The following KCND2 variants were observed in gnomAD, a reference collection of about 807,000 sequenced individuals.
KCND2 encodes A-type voltage-gated potassium channel KCND2.
A neutral mutation model predicts 54.4 loss-of-function variants in KCND2; 16 were observed. The observed-to-expected ratio is 0.29, with a 90% CI of 0.20 to 0.45. The LOEUF is 0.45. Among genes scored for constraint, KCND2 ranks in the 20% least tolerant of loss-of-function variants. KCND2 has a pLI of 1.00. For missense variants in KCND2, 486 were observed against 824.2 expected (o/e 0.59, Z 5.02); for synonymous variants, 317 against 310.7 (o/e 1.02, Z -0.21).
chr7:120,716,625 T>A (rs2116087808), intron 1 of KCND2, among the ~76,000 whole-genome samples: 1 of 152,258 alleles, frequency 6.6e-6, no homozygotes, highest in African/African-American at 2.4e-5. Flanking sequence ...TTTCTAGGCA[T>A]AACCAGCCCT....
intron 1 of KCND2, among the ~76,000 whole-genome samples, chr7:120,657,075 A>C (rs1791811857): frequency 6.6e-6 from 1 of 152,294 alleles, no homozygotes; most frequent in African/African-American, 2.4e-5. Flanking sequence ...GGTAAAAAAA[A>C]ACAATTCTGT....
At chr7:120,328,359 G>A (rs1229163794) in intron 1 of KCND2, among the ~76,000 whole-genome samples, 1 of 152,094 alleles carries the variant, frequency 6.6e-6, no homozygotes, top group South Asian at 2.1e-4. Context: ...AACAGTTGGG[G>A]TTAGCATAAA....
intron 1 of KCND2, among the ~76,000 whole-genome samples, chr7:120,322,550 G>A (rs868041563): frequency 2.0e-5 from 3 of 152,114 alleles, no homozygotes; most frequent in African/African-American, 7.2e-5. Flanking sequence ...GTAACTTATG[G>A]TTGTGATTCT....
intron 1 of KCND2, among the ~76,000 whole-genome samples, chr7:120,676,719 T>C: frequency 6.6e-6 from 1 of 152,222 alleles, no homozygotes; most frequent in East Asian, 1.9e-4. Context: ...ATACTGTACA[T>C]CTATTTGCCA....
chr7:120,504,804 T>A (rs950125673), intron 1 of KCND2, among the ~76,000 whole-genome samples: 1 of 151,774 alleles, frequency 6.6e-6, no homozygotes, highest in Non-Finnish European at 1.5e-5. Flanking sequence ...GATGCATTTT[T>A]TTTGTACCTG....
intron 1 of KCND2, among the ~76,000 whole-genome samples, chr7:120,631,488 C>T (rs910101924): frequency 2.6e-5 from 4 of 152,028 alleles, no homozygotes; most frequent in Non-Finnish European, 1.5e-5. Flanking sequence ...TTTGTATGAG[C>T]ATTTTTCACT....
chr7:120,534,388 C>G (rs1791877633), intron 1 of KCND2, among the ~76,000 whole-genome samples: 1 of 152,096 alleles, frequency 6.6e-6, no homozygotes, highest in Non-Finnish European at 1.5e-5. Flanking sequence ...GTCAGTCTAA[C>G]CACAAGACAA....
At chr7:120,372,315 T>A (rs758185224) in intron 1 of KCND2, among the ~76,000 whole-genome samples, 15 of 151,946 alleles carry the variant, frequency 9.9e-5, no homozygotes, top group Middle Eastern at 3.4e-3. Flanking sequence ...TCCACTTCTC[T>A]TATAGATCTA....
chr7:120,475,953 G>A (rs554690951), intron 1 of KCND2, among the ~76,000 whole-genome samples: 1 of 152,322 alleles, frequency 6.6e-6, no homozygotes, highest in Admixed American at 6.5e-5. Flanking sequence ...ATGGGAAATA[G>A]ATGAAGTTTC....
intron 1 of KCND2, among the ~76,000 whole-genome samples, chr7:120,582,978 G>GTGTA (rs1259715372): frequency 2.6e-5 from 4 of 150,970 alleles, no homozygotes; most frequent in Non-Finnish European, 5.9e-5. Flanking sequence ...GTGTGTGTGT[G>GTGTA]TATGTTTTAT....
chr7:120,655,522 TAA>T lies in KCND2; in HGVS notation c.1116-77379_1116-77378del, dbSNP rs1482227285. Among the ~76,000 whole-genome samples the T allele has an allele frequency of 6.6e-5, 10 of 152,196 alleles. No homozygotes were observed. The South Asian group carries it at 1.9e-3, about 28-fold the overall frequency. On this transcript the variant is annotated intron_variant, in intron 1 of 5. Coordinates refer to ENST00000331113, the MANE Select transcript of KCND2 (RefSeq NM_012281.3). Reference sequence around the variant, plus strand: ...AAGAAATAGAACTCTAGTTTGTTGATAAAGTTGTTTATATGCAGTAGTTGAAG... The same window carrying T: ...AAGAAATAGAACTCTAGTTTGTTGATAGTTGTTTATATGCAGTAGTTGAAG...
At chr7:120,667,435 C>A (rs1172229700) in intron 1 of KCND2, among the ~76,000 whole-genome samples, 1 of 151,920 alleles carries the variant, frequency 6.6e-6, no homozygotes, top group Non-Finnish European at 1.5e-5. Flanking sequence ...ATCTTCATCT[C>A]CAATAACTAC....
rs576999412 is a variant in KCND2, at chr7:120,325,874, G to A, written c.1115+50127G>A. 1.0e-3 allele frequency among the ~76,000 whole-genome samples: 157 copies of A among 152,210 alleles called. 1 individual carries two copies. Among genetic ancestry groups the A allele is most frequent in the African/African-American group, 3.7e-3 (154 of 41,568 alleles). On this transcript the variant is annotated intron_variant, in intron 1 of 5. Coordinates refer to ENST00000331113, the MANE Select transcript of KCND2 (RefSeq NM_012281.3). ...CAAACTTGGGTCCTAAAGGAACCCT[G>A]TATTCACAGCAGGAGAAGAAAGCTG...
At position 120,339,207 on chromosome 7, in the gene KCND2, A is replaced by G. The variant is rs982444787; in HGVS notation, c.1115+63460A>G. ...CGCCCGGCCCCTTGCTACTATCTTT[A>G]ATAGCTGTGTAATCTTAGGCAACAG... On this transcript the variant is annotated intron_variant, in intron 1 of 5. Coordinates refer to ENST00000331113, the MANE Select transcript of KCND2 (RefSeq NM_012281.3). Among the ~76,000 whole-genome samples, 2 of 151,934 alleles carry G rather than the reference A, an allele frequency of 1.3e-5. 1 individual carries two copies. The highest frequency in any genetic ancestry group is 4.8e-5 in the African/African-American group (2 of 41,370).
At chr7:120,372,135 ATATAAGG>A (rs756383268) in intron 1 of KCND2, among the ~76,000 whole-genome samples, 7 of 151,924 alleles carry the variant, frequency 4.6e-5, no homozygotes, top group Non-Finnish European at 8.8e-5. Flanking sequence ...ATTGTTTTAG[ATATAAGG>A]TATAAGATCT....
intron 1 of KCND2, among the ~76,000 whole-genome samples, chr7:120,478,595 A>T (rs1395965872): frequency 6.6e-6 from 1 of 152,152 alleles, no homozygotes; most frequent in Non-Finnish European, 1.5e-5. Context: ...AAAATGAAGA[A>T]CTTTTTTAAA....
At chr7:120,618,538 A>G (rs1169809256) in intron 1 of KCND2, among the ~76,000 whole-genome samples, 1 of 151,986 alleles carries the variant, frequency 6.6e-6, no homozygotes, top group Non-Finnish European at 1.5e-5. Context: ...TTGTTAATAT[A>G]ATTAACACTC....
chr7:120,722,487 G>A (rs1310550630), intron 1 of KCND2, among the ~76,000 whole-genome samples: 1 of 152,176 alleles, frequency 6.6e-6, no homozygotes, highest in Non-Finnish European at 1.5e-5. Flanking sequence ...AAAGAGCCAA[G>A]TCTTAGCTCC....
At chr7:120,546,768 G>A (rs1792047489) in intron 1 of KCND2, among the ~76,000 whole-genome samples, 1 of 151,840 alleles carries the variant, frequency 6.6e-6, no homozygotes, top group African/African-American at 2.4e-5. Flanking sequence ...TTATCTACAT[G>A]GCTAAGAATG....
Sources: gnomAD v4.1 joint callset for allele counts (sites outside exome capture counted in the v4.1 genomes callset) on GRCh38, gnomAD v4.1.1 for gene constraint, MANE v1.5 for transcripts, NCBI Gene and HGNC (gene_info 2026-07-23, HGNC 2026-07-21) for gene names.